Variants in CLCN7 observed in about 807,000 individuals in gnomAD.
CLCN7 encodes Cl-/H+ antiporter 7, also known as H(+)/Cl(-) exchange transporter 7.
Under a neutral mutation model 102.1 loss-of-function variants are expected in CLCN7, and 60 were observed. That is an observed-to-expected ratio of 0.59 (90% CI 0.48 to 0.73). The LOEUF (loss-of-function observed/expected upper bound fraction) is 0.73, where lower values mean the gene tolerates loss of function less well. CLCN7 is among the 30% of genes least tolerant of loss of function. The pLI is 0.00. For missense variants in CLCN7, 962 were observed against 1,125.7 expected (o/e 0.85, Z 2.08); for synonymous variants, 560 against 490.5 (o/e 1.14, Z -1.87).
rs980383574 is a variant in CLCN7 at position 1,456,292 on chromosome 16, G to A, written c.823-86C>T. The A allele has an allele frequency of 7.0e-6, 7 of 1,006,700 alleles. No homozygotes were observed. In the African/African-American group the frequency reaches 9.6e-5, roughly 14 times the overall value. 62.4% of individuals were successfully genotyped at this position (1,006,700 alleles called of 1,614,324 possible). A position where few individuals can be genotyped will look rare whatever the true frequency, so the allele number is the denominator to read the frequency against. On this transcript the variant is annotated intron_variant, in intron 9 of 24. Coordinates refer to ENST00000382745, the MANE Select transcript of CLCN7 (RefSeq NM_001287.6). ...GAGAGCAACTGCCAGGACAGGGGCT[G>A]TGCAGGGGAAGGGGCTTTCAGGACA... is the stretch of plus-strand genomic sequence containing the variant.
chr16:1,470,282 C>T (rs1444408991), intron 1 of CLCN7, among the ~76,000 whole-genome samples: 1 of 152,212 alleles, frequency 6.6e-6, no homozygotes, highest in Non-Finnish European at 1.5e-5. Context: ...GAGGCGTGCA[C>T]CACCATGCCT....
rs1389134874 is a variant in CLCN7, at chr16:1,446,587, G to A, written c.*44C>T. 4.0e-6 allele frequency: 6 copies of A among 1,486,542 alleles called. No homozygotes were observed. The South Asian group carries it at 7.2e-5, about 18-fold the overall frequency. The allele number at this position is 1,486,542 out of a possible 1,614,324, so 92.1% of individuals were successfully genotyped here. On this transcript the variant is annotated 3_prime_UTR_variant, in exon 25 of 25. Coordinates refer to ENST00000382745, the MANE Select transcript of CLCN7 (RefSeq NM_001287.6). ...TGACTCCGGGAGGAAATGCAGAAGG[G>A]CCGGGGTGCCAGCGCCAGTGCCCAT...
chr16:1,454,882 G>A lies in CLCN7; in HGVS notation c.1098+252C>T, dbSNP rs2142377998. Among the ~76,000 whole-genome samples the A allele has an allele frequency of 3.9e-5, 6 of 152,326 alleles. No individual in the cohort carries two copies. The Middle Eastern group carries it at 0.017, about 432-fold the overall frequency. Reference sequence around the variant, plus strand: ...GCTGCTGCACGTGCCCCCAGGCCGTGGGAGGCCCCATGCACGCAGCAACTG... The same window carrying A: ...GCTGCTGCACGTGCCCCCAGGCCGTAGGAGGCCCCATGCACGCAGCAACTG... On this transcript the variant is annotated intron_variant, in intron 12 of 24. Coordinates refer to ENST00000382745, the MANE Select transcript of CLCN7 (RefSeq NM_001287.6).
intron 2 of CLCN7, among the ~76,000 whole-genome samples, chr16:1,463,412 T>C (rs1242589472): frequency 5.9e-5 from 9 of 151,952 alleles, no homozygotes; most frequent in African/African-American, 1.2e-4. Flanking sequence ...AACGGGAGGA[T>C]TGCTTGAGCC....
Position 1,446,672 on chromosome 16 carries a change from C to T in CLCN7, c.2377G>A (p.Gly793Arg). The change falls in exon 25 of 25, where the codon GGA (glycine) becomes AGA (arginine). Residue 793 changes from glycine (G) to arginine (R), a missense_variant. Physicochemically the swap from Gly to Arg is moderately radical, Grantham distance 125 (BLOSUM62 -2). Transcript: ENST00000382745. ...GAGAGCTCCTCCAAGCCTCTCTTTC[C>T]CAGGCGGTACCTGGCGAGGTCCTTC... The part of the protein sequence containing the change: ...TRKDLARYRL[G>R]KRGLEELSLA... 6.3e-7 allele frequency: 1 copy of T among 1,586,756 alleles called. No individual in the cohort carries two copies. Among genetic ancestry groups the T allele is most frequent in the Non-Finnish European group, 8.6e-7 (1 of 1,166,496 alleles).
chr16:1,457,904 C>G lies in CLCN7; in HGVS notation c.676-148G>C. 1.3e-6 allele frequency: 1 copy of G among 764,276 alleles called. No homozygotes were observed. Among genetic ancestry groups the G allele is most frequent in the Non-Finnish European group, 2.3e-6 (1 of 441,020 alleles). 47.3% of individuals were successfully genotyped at this position (764,276 alleles called of 1,614,324 possible). ...GGGGGCCAGCACCCCCAGGCTGGGT[C>G]TCCCCATGGCCACAGTGGAGCTAAA... On this transcript the variant is annotated intron_variant, in intron 7 of 24. Transcript: ENST00000382745. The surrounding 1 kb of genome is among the most constrained non-coding windows in gnomAD (Gnocchi z 5.4).
At chr16:1,455,387 G>C in intron 11 of CLCN7, 137 bp from the exon 12 acceptor site, 1 of 762,332 alleles carries the variant, frequency 1.3e-6, no homozygotes, top group Non-Finnish European at 2.4e-6. Context: ...CAGAAGGGAA[G>C]GGGCTGGAGC....
chr16:1,454,253 C>T (rs1427097183), intron 13 of CLCN7, among the ~76,000 whole-genome samples, 158 bp downstream of exon 13: 1 of 152,250 alleles, frequency 6.6e-6, no homozygotes, highest in Non-Finnish European at 1.5e-5. Flanking sequence ...CCCCACTCCC[C>T]ACGTGTACTG....
At chr16:1,449,403 C>T in intron 17 of CLCN7, 76 bp from the exon 18 acceptor site, 2 of 1,430,208 alleles carry the variant, frequency 1.4e-6, no homozygotes, top group Non-Finnish European at 1.9e-6. Flanking sequence ...ACGGAGGAGG[C>T]CCTGCCCAGG....
chr16:1,465,557 C>T (rs369233890), intron 1 of CLCN7, among the ~76,000 whole-genome samples: 3 of 152,166 alleles, frequency 2.0e-5, no homozygotes, highest in Non-Finnish European at 2.9e-5. Context: ...GGCCTGTCAG[C>T]GACACGTCCA....
At chr16:1,460,073 A>G (rs965870551) in intron 6 of CLCN7, among the ~76,000 whole-genome samples, 2 of 151,696 alleles carry the variant, frequency 1.3e-5, no homozygotes, top group African/African-American at 4.8e-5. Context: ...AGCTGCTCTC[A>G]CTCTTCCCAG....
rs776669247 is a variant in CLCN7 at position 1,446,470 on chromosome 16, AG to A, written c.*160del. 45 of 725,414 alleles carry A rather than the reference AG, an allele frequency of 6.2e-5. No homozygotes were observed. In the South Asian group the frequency reaches 6.5e-4, roughly 10 times the overall value. The allele number at this position is 725,414 out of a possible 1,614,324, so 44.9% of individuals were successfully genotyped here. A position where few individuals can be genotyped will look rare whatever the true frequency, so the allele number is the denominator to read the frequency against. On this transcript the variant is annotated 3_prime_UTR_variant, in exon 25 of 25. Transcript: ENST00000382745. ...CCCACAACAGGGTCAGTCCCGCGAG[AG>A]GGTCAGTTCCGCGCCTGCCGCCTGC...
At chr16:1,462,948 G>A (rs1445196611) in intron 2 of CLCN7, among the ~76,000 whole-genome samples, 1 of 151,998 alleles carries the variant, frequency 6.6e-6, no homozygotes, top group Non-Finnish European at 1.5e-5. Flanking sequence ...ACTGCTTGAG[G>A]CCAGGAGTTT....
chr16:1,461,522 G>A, intron 3 of CLCN7, 52 bp from the exon 4 acceptor site: 3 of 1,605,662 alleles, frequency 1.9e-6, no homozygotes, highest in Middle Eastern at 1.7e-4. Context: ...CACGCTCTGG[G>A]TGCGGGCACA....
At chr16:1,455,938 C>T in intron 10 of CLCN7, 143 bp from the exon 11 acceptor site, 1 of 1,062,958 alleles carries the variant, frequency 9.4e-7, no homozygotes, top group Non-Finnish European at 1.4e-6. Flanking sequence ...AGAGAGGGAC[C>T]CTGAGGGAGG....
rs1416933132 is a variant in CLCN7 at position 1,474,915 on chromosome 16, C to G, written c.60G>C (p.Ala20=). 1.6e-5 allele frequency: 24 copies of G among 1,471,074 alleles called. No homozygotes were observed. Among genetic ancestry groups the G allele is most frequent in the East Asian group, 9.0e-5 (3 of 33,428 alleles). 91.1% of individuals were successfully genotyped at this position (1,471,074 alleles called of 1,614,324 possible). Residue 20 remains alanine, a synonymous_variant, in exon 1 of 25, where the codon GCG becomes GCC. Coordinates refer to ENST00000382745, the MANE Select transcript of CLCN7 (RefSeq NM_001287.6). ...GCGCCGTCCTCCGCAGCAGCGGCGC[C>G]GCCTCCTCGTCGTCCCGGTCCCGGC... is the stretch of plus-strand genomic sequence containing the variant. ...WSGRDRDDEE[A]APLLRRTARP...
Position 1,457,301 on chromosome 16 carries a change from C to A in CLCN7, c.775G>T (p.Ala259Ser). ...PMIHSGSVIA[A>S]GISQGRSTSL... is the part of the protein sequence containing the mutation. ...GTTGACCTTCCCTGAGAGATCCCGG[C>A]GGCAATCACTGAACCTGAGTGGATC... The change falls in exon 9 of 25, where the codon GCC (alanine) becomes TCC (serine). Residue 259 changes from alanine to serine, a missense_variant. Physicochemically the swap from Ala to Ser is moderately conservative, Grantham distance 99. Transcript: ENST00000382745. The surrounding 1 kb of genome is among the most constrained non-coding windows in gnomAD (Gnocchi z 5.4). The A allele has an allele frequency of 1.2e-6, 2 of 1,614,044 alleles. No individual in the cohort carries two copies. Among genetic ancestry groups the A allele is most frequent in the African/African-American group, 1.3e-5 (1 of 75,074 alleles).
chr16:1,448,374 T>C lies in CLCN7; in HGVS notation c.1994A>G (p.Glu665Gly). Residue 665 changes from glutamate (E) to glycine (G), a missense_variant, in exon 21 of 25, where the codon GAG becomes GGG. Around this residue, in one of 2 missense-constraint regions of CLCN7, gnomAD observed 799 missense variants for 988.0 expected, o/e 0.81. Transcript: ENST00000382745. The part of the protein sequence containing the change: ...ASNHNGFPVV[E>G]HADDTQPARL... ...CGGTACCTGGGTGTCATCGGCATGCTCCACCACGGGGAAGCCGTTGTGATT... is the reference window on the plus strand; with the variant it reads ...CGGTACCTGGGTGTCATCGGCATGCCCCACCACGGGGAAGCCGTTGTGATT... 6.2e-7 allele frequency: 1 copy of C among 1,612,698 alleles called. No homozygotes were observed. Among genetic ancestry groups the C allele is most frequent in the Non-Finnish European group, 8.5e-7 (1 of 1,179,956 alleles).
intron 13 of CLCN7, 94 bp downstream of exon 13, chr16:1,454,317 A>G (rs2038799729): frequency 7.6e-7 from 1 of 1,307,496 alleles, no homozygotes; most frequent in Non-Finnish European, 1.1e-6. Context: ...GGCAGGCTCC[A>G]GGGAGCCACA....
Sources: gnomAD v4.1 joint callset for allele counts (sites outside exome capture counted in the v4.1 genomes callset) on GRCh38, gnomAD v4.1.1 for gene constraint, gnomAD v4.1.1 regional missense constraint, Gnocchi (gnomAD v3.1) non-coding constraint, MANE v1.5 for transcripts, NCBI Gene and HGNC (gene_info 2026-07-23, HGNC 2026-07-21) for gene names.